Variants in RORA observed in about 807,000 individuals in gnomAD.
The protein encoded by RORA is RAR related orphan receptor A, also known as nuclear receptor ROR-alpha.
A neutral mutation model predicts 69.5 loss-of-function variants in RORA; 7 were observed. The ratio of observed to expected loss-of-function variants is 0.10; its 90% CI spans 0.06 to 0.19. RORA has a LOEUF of 0.19. Ranked by LOEUF, RORA falls within the 10% of genes least tolerant of loss-of-function variation. The probability of loss-of-function intolerance (pLI) is 1.00; values close to 1 mark genes in which losing one functional copy is unlikely to be tolerated. For synonymous variants in RORA, 261 were observed against 240.8 expected (o/e 1.08, Z -0.78); for missense variants, 457 against 663.0 (o/e 0.69, Z 3.41).
chr15:60,604,647 T>G (rs185798176), intron 2 of RORA, among the ~76,000 whole-genome samples: 16 of 152,328 alleles, frequency 1.1e-4, no homozygotes, highest in Admixed American at 7.8e-4. Flanking sequence ...ACATAGATGT[T>G]GAGTAAATAT....
At chr15:60,832,810 T>C (rs989480937) in intron 1 of RORA, among the ~76,000 whole-genome samples, 1 of 152,220 alleles carries the variant, frequency 6.6e-6, no homozygotes, top group African/African-American at 2.4e-5. Context: ...AGGCTTTACC[T>C]GGCATTTCTC....
In RORA at chr15:60,745,273, C is replaced by T. The variant is rs564847453; in HGVS notation, c.167-66587G>A. Among the ~76,000 whole-genome samples, 16 of 152,298 alleles carry T rather than the reference C, an allele frequency of 1.1e-4. No homozygotes were observed. The Middle Eastern group carries it at 0.01, about 97-fold the overall frequency. On this transcript the variant is annotated intron_variant, in intron 1 of 10. Coordinates refer to ENST00000335670, the MANE Select transcript of RORA (RefSeq NM_134261.3). ...GAATCTCATCCAACCTCAGAGGCAA[C>T]GGCTAGGCTGAAGCCAAGAGCCCAC...
chr15:60,777,838 G>A (rs1221316128), intron 1 of RORA, among the ~76,000 whole-genome samples: 1 of 152,176 alleles, frequency 6.6e-6, no homozygotes, highest in Non-Finnish European at 1.5e-5. Flanking sequence ...GAACTGCTGA[G>A]CAAGGGGTGT....
chr15:61,074,714 C>A (rs2078422162), intron 1 of RORA, among the ~76,000 whole-genome samples: 2 of 152,176 alleles, frequency 1.3e-5, no homozygotes, highest in Admixed American at 1.3e-4. Flanking sequence ...TTCTAGCTCC[C>A]ATCTTTTGCT....
intron 1 of RORA, among the ~76,000 whole-genome samples, chr15:61,146,004 A>G (rs944229883): frequency 3.3e-5 from 5 of 152,202 alleles, no homozygotes; most frequent in Non-Finnish European, 5.9e-5. Context: ...GAGTTATGAG[A>G]TAGCAGGTAG....
At chr15:61,111,977 C>A (rs2079010162) in intron 1 of RORA, among the ~76,000 whole-genome samples, 1 of 152,166 alleles carries the variant, frequency 6.6e-6, no homozygotes, top group Non-Finnish European at 1.5e-5. Context: ...TATAAGCCTC[C>A]TGCCAGGTGT....
In RORA at chr15:61,128,953, GA is replaced by G. The variant is rs1272441332; in HGVS notation, c.166+100099del. ...CTGCCTTGGGCCCACTCCCTTCTAC[GA>G]GTGCCCTTAACCCTTTACAAAATAA... is the stretch of plus-strand genomic sequence containing the variant. On this transcript the variant is annotated intron_variant, in intron 1 of 10. Coordinates refer to ENST00000335670, the MANE Select transcript of RORA (RefSeq NM_134261.3). The surrounding 1 kb of genome is among the most constrained non-coding windows in gnomAD (Gnocchi z 4.5). 6.6e-6 allele frequency among the ~76,000 whole-genome samples: 1 copy of G among 152,196 alleles called. No individual in the cohort carries two copies. The highest frequency in any genetic ancestry group is 1.9e-4 in the East Asian group (1 of 5,204).
At chr15:61,212,451 G>A (rs565929460) in intron 1 of RORA, among the ~76,000 whole-genome samples, 4 of 152,258 alleles carry the variant, frequency 2.6e-5, no homozygotes, top group African/African-American at 9.6e-5. Context: ...CCAGGCTGGA[G>A]TGCAATGGCG....
intron 1 of RORA, among the ~76,000 whole-genome samples, chr15:60,955,255 T>C (rs1291127583): frequency 2.0e-5 from 3 of 152,180 alleles, no homozygotes; most frequent in Non-Finnish European, 4.4e-5. Flanking sequence ...TGAGCCGAGA[T>C]TGTGCCACTG....
At chr15:60,739,264 G>A (rs1004358863) in intron 1 of RORA, among the ~76,000 whole-genome samples, 3 of 152,146 alleles carry the variant, frequency 2.0e-5, no homozygotes, top group Admixed American at 2.0e-4. Context: ...ACACCCAGGG[G>A]TGGGGAGAGA....
chr15:60,799,192 A>G (rs1304955837), intron 1 of RORA, among the ~76,000 whole-genome samples: 1 of 152,178 alleles, frequency 6.6e-6, no homozygotes, highest in Non-Finnish European at 1.5e-5. Context: ...ATTCTTCTGT[A>G]AGTTATCCAA....
In RORA at chr15:61,114,692, T is replaced by C. The variant is rs75004416; in HGVS notation, c.166+114361A>G. Among the ~76,000 whole-genome samples, 191 of 152,242 alleles carry C rather than the reference T, an allele frequency of 1.3e-3. 1 individual carries two copies. The highest frequency in any genetic ancestry group is 2.4e-3 in the Non-Finnish European group (162 of 68,008). On this transcript the variant is annotated intron_variant, in intron 1 of 10. Transcript: ENST00000335670. ...TGAGTTCTAACCCACTCTGATGAAA[T>C]TGGTTATATAATTGGCCTTGCATCA...
At chr15:61,158,343 T>C (rs999658998) in intron 1 of RORA, among the ~76,000 whole-genome samples, 1 of 152,216 alleles carries the variant, frequency 6.6e-6, no homozygotes, top group Non-Finnish European at 1.5e-5. Flanking sequence ...TCAGCCAGGA[T>C]GTCTTTGCAA....
At chr15:61,087,602 T>C (rs1407659496) in intron 1 of RORA, among the ~76,000 whole-genome samples, 1 of 152,116 alleles carries the variant, frequency 6.6e-6, no homozygotes, top group African/African-American at 2.4e-5. Context: ...AAAAACAACA[T>C]ATGAGGAAGG....
intron 2 of RORA, among the ~76,000 whole-genome samples, chr15:60,633,833 A>T (rs756070250): frequency 6.6e-6 from 1 of 152,228 alleles, no homozygotes; most frequent in African/African-American, 2.4e-5. Context: ...AGTTTCTTTT[A>T]TCTTCCTCCA....
chr15:60,656,548 C>A (rs2070224941), intron 2 of RORA, among the ~76,000 whole-genome samples: 1 of 151,978 alleles, frequency 6.6e-6, no homozygotes, highest in Admixed American at 6.6e-5. Context: ...CAATAGTAAT[C>A]AAACTTGTGA....
At chr15:60,982,735 G>A (rs987084678) in intron 1 of RORA, among the ~76,000 whole-genome samples, 2 of 152,124 alleles carry the variant, frequency 1.3e-5, no homozygotes, top group African/African-American at 4.8e-5. Flanking sequence ...ATTAAGAATT[G>A]ACTAAGGTTT....
chr15:60,928,123 T>C (rs1892270595), intron 1 of RORA, among the ~76,000 whole-genome samples: 1 of 152,186 alleles, frequency 6.6e-6, no homozygotes. Context: ...TGAACTGCCC[T>C]GCCCATATCT....
At chr15:60,689,333 A>G (rs1047471667) in intron 1 of RORA, among the ~76,000 whole-genome samples, 1 of 152,188 alleles carries the variant, frequency 6.6e-6, no homozygotes, top group Admixed American at 6.5e-5. Context: ...AAAAAGGCCC[A>G]TATGTCCTTG....
Sources: allele counts gnomAD v4.1 joint callset (sites outside exome capture counted in the v4.1 genomes callset), GRCh38; gene constraint gnomAD v4.1.1; non-coding constraint Gnocchi (gnomAD v3.1); transcripts MANE v1.5; gene names NCBI Gene and HGNC (gene_info 2026-07-23, HGNC 2026-07-21).